Variants in WDR49 observed in about 807,000 individuals in gnomAD.
WDR49 encodes the protein WD repeat domain 49, also known as cilia- and flagella-associated protein 337.
WDR49 carries 107 observed loss-of-function variants against 119.5 expected under a neutral mutation model. That is an observed-to-expected ratio of 0.90 (90% CI 0.77 to 1.05). WDR49 has a LOEUF of 1.05. WDR49 is among the 50% of genes least tolerant of loss of function. The pLI is 0.00. For missense variants in WDR49, 1,240 were observed against 1,220.5 expected (o/e 1.02, Z -0.24); for synonymous variants, 425 against 418.8 (o/e 1.01, Z -0.18).
At chr3:167,643,525 C>A (rs1274634078) in intron 2 of WDR49, among the ~76,000 whole-genome samples, 1 of 152,024 alleles carries the variant, frequency 6.6e-6, no homozygotes, top group Admixed American at 6.6e-5. Context: ...TGTATTGGAT[C>A]TGTGATTTTA....
At chr3:167,482,536 G>C (rs896894793) in intron 18 of WDR49, among the ~76,000 whole-genome samples, 14 of 151,448 alleles carry the variant, frequency 9.2e-5, no homozygotes, top group Non-Finnish European at 2.9e-5. Context: ...AAAATTAGTC[G>C]GGCCTGGTGG....
intron 8 of WDR49, among the ~76,000 whole-genome samples, chr3:167,570,371 C>A (rs1713864237): frequency 6.6e-6 from 1 of 152,070 alleles, no homozygotes; most frequent in Non-Finnish European, 1.5e-5. Context: ...TCCCAAATAC[C>A]CTCAATTTCC....
chr3:167,617,476 A>G (rs975944577), intron 5 of WDR49, among the ~76,000 whole-genome samples: 6 of 152,230 alleles, frequency 3.9e-5, no homozygotes, highest in Non-Finnish European at 7.3e-5. Flanking sequence ...CAGTGAGCCA[A>G]GATCGCACCA....
At chr3:167,486,116 A>C (rs138349593) in intron 18 of WDR49, among the ~76,000 whole-genome samples, 1 of 152,258 alleles carries the variant, frequency 6.6e-6, no homozygotes, top group African/African-American at 2.4e-5. Context: ...AAGAAGAAAA[A>C]TTCCATCCAA....
At chr3:167,589,850 T>G (rs527409627) in intron 7 of WDR49, among the ~76,000 whole-genome samples, 5 of 152,120 alleles carry the variant, frequency 3.3e-5, no homozygotes, top group Non-Finnish European at 5.9e-5. Context: ...CAAGATGTTA[T>G]TATCTGCAAA....
Position 167,627,337 on chromosome 3 carries a change from C to T in WDR49, c.166-45G>A, listed in dbSNP as rs1364457972. The T allele has an allele frequency of 1.6e-5, 19 of 1,225,126 alleles. No homozygotes were observed. The South Asian group carries it at 6.7e-4, about 43-fold the overall frequency. 75.9% of individuals were successfully genotyped at this position (1,225,126 alleles called of 1,614,324 possible). On this transcript the variant is annotated intron_variant, in intron 2 of 18. Coordinates refer to ENST00000682715, the MANE Select transcript of WDR49 (RefSeq NM_001366157.1). Reference sequence around the variant, plus strand: ...AACAATAATGAGACAACAGTGAAATCATCATATGCATGAGAGAACTGTGCT... The same window carrying T: ...AACAATAATGAGACAACAGTGAAATTATCATATGCATGAGAGAACTGTGCT...
chr3:167,531,964 ATT>A (rs1348745448), intron 12 of WDR49, among the ~76,000 whole-genome samples: 1 of 152,136 alleles, frequency 6.6e-6, no homozygotes. Flanking sequence ...CTCTCTGTGT[ATT>A]GTAAAGCCCA....
At chr3:167,609,638 G>T (rs890933462) in intron 5 of WDR49, among the ~76,000 whole-genome samples, 1 of 152,146 alleles carries the variant, frequency 6.6e-6, no homozygotes, top group Non-Finnish European at 1.5e-5. Flanking sequence ...CAACTCATAG[G>T]TGAGTCCTTG....
chr3:167,514,818 C>T (rs1041931352), intron 16 of WDR49, among the ~76,000 whole-genome samples: 1 of 151,990 alleles, frequency 6.6e-6, no homozygotes, highest in African/African-American at 2.4e-5. Context: ...ACCACTGGCC[C>T]CACAGAAATA....
intron 2 of WDR49, among the ~76,000 whole-genome samples, chr3:167,631,963 T>C (rs1015720582): frequency 1.3e-5 from 2 of 152,084 alleles, no homozygotes; most frequent in African/African-American, 4.8e-5. Context: ...ATTATTCTTA[T>C]CTTTGTTCAG....
intron 7 of WDR49, among the ~76,000 whole-genome samples, chr3:167,589,865 G>C (rs1359646412): frequency 3.3e-5 from 5 of 152,018 alleles, no homozygotes; most frequent in African/African-American, 7.2e-5. Context: ...TGCAAATAAG[G>C]ATAATGTGCT....
At chr3:167,513,502 A>T (rs1192333078) in intron 16 of WDR49, among the ~76,000 whole-genome samples, 3 of 152,200 alleles carry the variant, frequency 2.0e-5, no homozygotes, top group Non-Finnish European at 4.4e-5. Context: ...GTCAATACAA[A>T]AACACCCTGA....
intron 16 of WDR49, among the ~76,000 whole-genome samples, chr3:167,514,742 G>A (rs1199237249): frequency 6.6e-6 from 1 of 151,278 alleles, no homozygotes; most frequent in Non-Finnish European, 1.5e-5. Context: ...ATTGCTAGCT[G>A]AATTAATAAA....
chr3:167,610,980 C>G (rs1458766413), intron 5 of WDR49, among the ~76,000 whole-genome samples: 1 of 152,098 alleles, frequency 6.6e-6, no homozygotes, highest in Admixed American at 6.5e-5. Context: ...GGACAATGGG[C>G]AATGAATAGT....
intron 7 of WDR49, among the ~76,000 whole-genome samples, chr3:167,598,846 T>C (rs569665462): frequency 6.6e-6 from 1 of 152,260 alleles, no homozygotes; most frequent in South Asian, 2.1e-4. Context: ...CTCATAAAGG[T>C]CCCAGTTTGG....
chr3:167,569,177 C>T (rs956537885), intron 8 of WDR49, among the ~76,000 whole-genome samples: 4 of 152,044 alleles, frequency 2.6e-5, no homozygotes, highest in Non-Finnish European at 4.4e-5. Context: ...CTCCTGACCT[C>T]GTGATCCGCC....
At chr3:167,480,456 T>A (rs565137488) in intron 18 of WDR49, among the ~76,000 whole-genome samples, 1 of 152,188 alleles carries the variant, frequency 6.6e-6, no homozygotes, top group East Asian at 1.9e-4. Flanking sequence ...TATAGTGGCA[T>A]CTTTATATAT....
chr3:167,627,316 A>G (rs774818530), intron 2 of WDR49, 24 bp from the exon 3 acceptor site: 182 of 1,233,790 alleles, frequency 1.5e-4, no homozygotes, highest in Middle Eastern at 2.1e-4. Context: ...TCCAAAAACA[A>G]TAATGAGACA....
intron 18 of WDR49, among the ~76,000 whole-genome samples, chr3:167,499,875 T>C (rs1282205211): frequency 6.6e-6 from 1 of 152,214 alleles, no homozygotes; most frequent in East Asian, 1.9e-4. Flanking sequence ...AGAGAGATTC[T>C]CATCCACGGA....
Sources: gnomAD v4.1 joint callset for allele counts (sites outside exome capture counted in the v4.1 genomes callset) on GRCh38, gnomAD v4.1.1 for gene constraint, MANE v1.5 for transcripts, NCBI Gene and HGNC (gene_info 2026-07-23, HGNC 2026-07-21) for gene names.